SPIDR: variants seen among roughly 807,000 people sequenced by gnomAD.
SPIDR encodes DNA repair-scaffolding protein.
SPIDR carries 93 observed loss-of-function variants against 104.6 expected under a neutral mutation model. The observed-to-expected ratio is 0.89, with a 90% CI of 0.75 to 1.06. SPIDR has a LOEUF of 1.06. SPIDR is among the 50% of genes least tolerant of loss of function. SPIDR has a pLI of 0.00. For synonymous variants in SPIDR, 431 were observed against 416.9 expected (o/e 1.03, Z -0.41); for missense variants, 1,154 against 1,111.2 (o/e 1.04, Z -0.55).
At chr8:47,667,832 C>T (rs1416752321) in intron 10 of SPIDR, 1 of 151,714 alleles carries the variant, frequency 6.6e-6, no homozygotes, top group Non-Finnish European at 1.5e-5. Flanking sequence ...TAGCGTGGCC[C>T]CTGGGCAAGG....
chr8:47,628,954 CTT>C (rs1390019000), intron 10 of SPIDR, among the ~76,000 whole-genome samples: 1 of 152,190 alleles, frequency 6.6e-6, no homozygotes, highest in Non-Finnish European at 1.5e-5. Context: ...TCCATTTAAA[CTT>C]AATTTATTTG....
At chr8:47,587,632 A>G (rs1402935933) in intron 8 of SPIDR, among the ~76,000 whole-genome samples, 1 of 146,170 alleles carries the variant, frequency 6.8e-6, no homozygotes, top group African/African-American at 2.6e-5. Flanking sequence ...AAAAAAAAAA[A>G]TCAACTGGTG....
At chr8:47,620,389 C>A (rs1361188195) in intron 10 of SPIDR, among the ~76,000 whole-genome samples, 1 of 149,982 alleles carries the variant, frequency 6.7e-6, no homozygotes, top group Non-Finnish European at 1.5e-5. Flanking sequence ...GTTTTCCTGC[C>A]TCACCCTTCC....
chr8:47,439,957 C>A (rs1421581010), intron 7 of SPIDR, among the ~76,000 whole-genome samples: 1 of 152,170 alleles, frequency 6.6e-6, no homozygotes, highest in Non-Finnish European at 1.5e-5. Context: ...TAAGAAGAAT[C>A]CACAGTGGCC....
At chr8:47,627,429 G>A (rs2066357415) in intron 10 of SPIDR, among the ~76,000 whole-genome samples, 1 of 152,016 alleles carries the variant, frequency 6.6e-6, no homozygotes, top group Non-Finnish European at 1.5e-5. Flanking sequence ...TTTACCGCTA[G>A]TAGGAATTTC....
chr8:47,702,083 TCTCTCTCTCTCTCTTACACACA>T (rs776328051), intron 14 of SPIDR, 68 bp downstream of exon 14: 13,583 of 259,456 alleles, frequency 0.052, 695 homozygotes, highest in East Asian at 0.072. Flanking sequence ...TCTCTCTCTC[TCTCTCTCTCTCTCTTACACACA>T]CACACACACA....
intron 10 of SPIDR, among the ~76,000 whole-genome samples, chr8:47,625,466 A>G (rs1427039701): frequency 1.3e-5 from 2 of 152,376 alleles, no homozygotes; most frequent in African/African-American, 2.4e-5. Context: ...TACAGATGAC[A>G]TGATTGCATA....
intron 5 of SPIDR, among the ~76,000 whole-genome samples, chr8:47,301,603 C>T (rs2042099935): frequency 6.8e-6 from 1 of 146,654 alleles, no homozygotes; most frequent in African/African-American, 2.6e-5. Flanking sequence ...TTTCCATGTT[C>T]AGTGCTTCCT....
At position 47,269,389 on chromosome 8, in the gene SPIDR, T is replaced by C. The variant is rs1465255050; in HGVS notation, c.33+8398T>C. ...TCTTCTGCCTCAGCCTCCTGAGTAG[T>C]TGGGATTAGAGGCGTGTGCCACCAT... On this transcript the variant is annotated intron_variant, in intron 1 of 19. Transcript: ENST00000297423. 2.0e-5 allele frequency among the ~76,000 whole-genome samples: 3 copies of C among 151,388 alleles called. No homozygotes were observed. The East Asian group carries it at 5.8e-4, about 29-fold the overall frequency.
intron 19 of SPIDR, among the ~76,000 whole-genome samples, chr8:47,734,800 GA>G (rs1184160155): frequency 6.6e-6 from 1 of 152,142 alleles, no homozygotes; most frequent in Non-Finnish European, 1.5e-5. Context: ...AAAAGAATTA[GA>G]AGAAAAAGCG....
chr8:47,378,758 T>A (rs1554643846), intron 5 of SPIDR, among the ~76,000 whole-genome samples: 9 of 152,222 alleles, frequency 5.9e-5, no homozygotes, highest in Non-Finnish European at 1.5e-5. Flanking sequence ...ACACCTAAGA[T>A]GGCAAGATGG....
chr8:47,431,129 C>A (rs1326013751), intron 7 of SPIDR, among the ~76,000 whole-genome samples: 1 of 152,176 alleles, frequency 6.6e-6, no homozygotes, highest in African/African-American at 2.4e-5. Context: ...CTGGTGAGAG[C>A]CCTTTTACTG....
chr8:47,418,954 C>T (rs1217492452), intron 7 of SPIDR: 2 of 152,166 alleles, frequency 1.3e-5, no homozygotes, highest in African/African-American at 4.8e-5. Context: ...AGCCTTGCAT[C>T]CCATGGATGA....
At chr8:47,550,205 C>G (rs945161617) in intron 8 of SPIDR, among the ~76,000 whole-genome samples, 1 of 152,140 alleles carries the variant, frequency 6.6e-6, no homozygotes, top group Non-Finnish European at 1.5e-5. Context: ...AGTGTGATAC[C>G]TCCAGCTTTG....
chr8:47,490,324 C>T (rs530063625), intron 8 of SPIDR, among the ~76,000 whole-genome samples: 9 of 152,184 alleles, frequency 5.9e-5, no homozygotes, highest in South Asian at 2.1e-4. Flanking sequence ...GTTAGAATGG[C>T]GATCATTAAA....
intron 10 of SPIDR, among the ~76,000 whole-genome samples, chr8:47,638,959 C>T (rs1389228536): frequency 6.6e-6 from 1 of 152,130 alleles, no homozygotes; most frequent in Admixed American, 6.6e-5. Context: ...GTCTCTGGTG[C>T]CTAGATACCA....
At position 47,506,719 on chromosome 8, in the gene SPIDR, G is replaced by A. The variant is rs546656563; in HGVS notation, c.1097+66177G>A. 1.2e-4 allele frequency among the ~76,000 whole-genome samples: 19 copies of A among 152,186 alleles called. No homozygotes were observed. The South Asian group carries it at 1.5e-3, about 12-fold the overall frequency. On this transcript the variant is annotated intron_variant, in intron 8 of 19. Transcript: ENST00000297423. ...CAAATGTATTACTTAGTGGGTTTAC[G>A]GACATATGCAGTGTTACTGGCAGAC...
intron 8 of SPIDR, among the ~76,000 whole-genome samples, chr8:47,521,124 A>G (rs2084008458): frequency 6.6e-6 from 1 of 152,238 alleles, no homozygotes; most frequent in Non-Finnish European, 1.5e-5. Flanking sequence ...GATACGTCAC[A>G]AAGATTGGAT....
intron 7 of SPIDR, among the ~76,000 whole-genome samples, chr8:47,410,128 A>T (rs2063300670): frequency 6.6e-6 from 1 of 152,134 alleles, no homozygotes. Context: ...ATATATATGT[A>T]TCAGGATGAC....
Sources: allele counts gnomAD v4.1 joint callset (sites outside exome capture counted in the v4.1 genomes callset), GRCh38; gene constraint gnomAD v4.1.1; transcripts MANE v1.5; gene names NCBI Gene and HGNC (gene_info 2026-07-23, HGNC 2026-07-21).